The following GALNT13 variants were observed in gnomAD, a reference collection of about 807,000 sequenced individuals.
GALNT13 encodes UDP-GalNAc:polypeptide N-acetylgalactosaminyltransferase 13.
GALNT13 carries 28 observed loss-of-function variants against 64.2 expected under a neutral mutation model. The ratio of observed to expected loss-of-function variants is 0.44; its 90% CI spans 0.32 to 0.60. GALNT13 has a LOEUF of 0.60. Among genes scored for constraint, GALNT13 ranks in the 20% least tolerant of loss-of-function variants. The pLI, the probability that GALNT13 is intolerant of heterozygous loss-of-function variation, is 0.05. For synonymous variants in GALNT13, 214 were observed against 224.6 expected (o/e 0.95, Z 0.42); for missense variants, 577 against 669.8 (o/e 0.86, Z 1.53).
At chr2:153,195,756 C>T in the GALNT13 span, among the ~76,000 whole-genome samples, 1 of 152,132 alleles carries the variant, frequency 6.6e-6, no homozygotes, top group African/African-American at 2.4e-5. Flanking sequence ...TCAGCGGGTC[C>T]CGAGTAATTG....
At chr2:153,804,213 G>A in the GALNT13 span, among the ~76,000 whole-genome samples, 1 of 152,198 alleles carries the variant, frequency 6.6e-6, no homozygotes, top group East Asian at 1.9e-4. Context: ...CTGTGGCCGA[G>A]GCTTGAGTGG....
intron 3 of GALNT13, among the ~76,000 whole-genome samples, chr2:154,021,365 C>G (rs1697475395): frequency 6.6e-6 from 1 of 152,168 alleles, no homozygotes; most frequent in Non-Finnish European, 1.5e-5. Flanking sequence ...TTTGTGTCCT[C>G]TTGTATTTCC....
intron 9 of GALNT13, among the ~76,000 whole-genome samples, chr2:154,331,757 G>T (rs550529440): frequency 2.0e-5 from 3 of 152,042 alleles, no homozygotes; most frequent in Non-Finnish European, 4.4e-5. Flanking sequence ...CTGTCTCAGA[G>T]TAGTGAGTAC....
intron 3 of GALNT13, among the ~76,000 whole-genome samples, chr2:154,022,045 G>T (rs1232657073): frequency 1.3e-5 from 2 of 152,148 alleles, no homozygotes; most frequent in Non-Finnish European, 2.9e-5. Context: ...GCATCCCAGG[G>T]ATGAAGCCCA....
chr2:153,932,417 G>T (rs1690593903), intron 2 of GALNT13, among the ~76,000 whole-genome samples: 1 of 151,744 alleles, frequency 6.6e-6, no homozygotes, highest in South Asian at 2.1e-4. Flanking sequence ...TTTCATGTGT[G>T]CTATAGACTT....
chr2:153,684,609 T>C, the GALNT13 span, among the ~76,000 whole-genome samples: 1 of 151,742 alleles, frequency 6.6e-6, no homozygotes, highest in South Asian at 2.1e-4. Context: ...ATTGATTTCC[T>C]TGTTGATGGT....
the GALNT13 span, among the ~76,000 whole-genome samples, chr2:153,233,362 C>A: frequency 2.0e-5 from 3 of 152,070 alleles, no homozygotes; most frequent in Admixed American, 2.0e-4. Context: ...TTCCTATAGA[C>A]ATTCACATAT....
chr2:153,765,789 A>C, the GALNT13 span, among the ~76,000 whole-genome samples: 1 of 152,028 alleles, frequency 6.6e-6, no homozygotes. Flanking sequence ...CCAAATAGAG[A>C]TAATTGAATC....
the GALNT13 span, among the ~76,000 whole-genome samples, chr2:153,223,371 A>G: frequency 1.3e-5 from 2 of 152,230 alleles, no homozygotes; most frequent in African/African-American, 2.4e-5. Context: ...ATAGCAGAAT[A>G]TTAATTTTTC....
At chr2:153,095,741 C>T in the GALNT13 span, among the ~76,000 whole-genome samples, 8 of 152,018 alleles carry the variant, frequency 5.3e-5, no homozygotes, top group African/African-American at 1.7e-4. Flanking sequence ...TTTGTAGGGA[C>T]CTGGATGAAG....
the GALNT13 span, among the ~76,000 whole-genome samples, chr2:153,301,802 A>G: frequency 2.6e-5 from 4 of 151,592 alleles, no homozygotes; most frequent in East Asian, 1.9e-4. Context: ...ACTTAACATA[A>G]TGTCCTCCAG....
At chr2:154,413,458 A>G (rs1375770652) in intron 11 of GALNT13, among the ~76,000 whole-genome samples, 1 of 151,920 alleles carries the variant, frequency 6.6e-6, no homozygotes, top group Non-Finnish European at 1.5e-5. Context: ...TTAGTTTAAC[A>G]TCTCATTAAA....
At chr2:153,327,344 G>T in the GALNT13 span, among the ~76,000 whole-genome samples, 1 of 152,030 alleles carries the variant, frequency 6.6e-6, no homozygotes, top group Admixed American at 6.6e-5. Flanking sequence ...TTGAATGTTG[G>T]CCTATCTTGC....
At chr2:154,352,809 G>A (rs1323402329) in intron 9 of GALNT13, among the ~76,000 whole-genome samples, 1 of 152,158 alleles carries the variant, frequency 6.6e-6, no homozygotes, top group African/African-American at 2.4e-5. Context: ...TTTCAGCTCT[G>A]TCTACTGAAA....
chr2:154,148,233 T>C (rs996215796), intron 4 of GALNT13, among the ~76,000 whole-genome samples: 1 of 152,096 alleles, frequency 6.6e-6, no homozygotes, highest in Non-Finnish European at 1.5e-5. Context: ...ATTTCATCCA[T>C]GTCCCTACAA....
At chr2:153,944,343 C>T in intron 2 of GALNT13, 51 bp from the exon 3 acceptor site, 4 of 593,994 alleles carry the variant, frequency 6.7e-6, no homozygotes, top group Non-Finnish European at 5.8e-6. Flanking sequence ...GTTCTTTATC[C>T]AAAAATCTAT....
At chr2:153,735,738 G>A in the GALNT13 span, among the ~76,000 whole-genome samples, 1 of 152,178 alleles carries the variant, frequency 6.6e-6, no homozygotes, top group African/African-American at 2.4e-5. Context: ...CAATAATTTT[G>A]CAGAATATCC....
chr2:153,901,576 T>A (rs1397735746), intron 2 of GALNT13, among the ~76,000 whole-genome samples: 1 of 152,118 alleles, frequency 6.6e-6, no homozygotes, highest in East Asian at 1.9e-4. Flanking sequence ...TTACTGTGAG[T>A]GGGATTGTGT....
the GALNT13 span, among the ~76,000 whole-genome samples, chr2:153,647,484 T>C: frequency 6.6e-6 from 1 of 152,238 alleles, no homozygotes; most frequent in Non-Finnish European, 1.5e-5. Context: ...ATCCCATTTG[T>C]CAATTTTGGC....
Sources: gnomAD v4.1 joint callset for allele counts (sites outside exome capture counted in the v4.1 genomes callset) on GRCh38, gnomAD v4.1.1 for gene constraint, MANE v1.5 for transcripts, NCBI Gene and HGNC (gene_info 2026-07-23, HGNC 2026-07-21) for gene names.